The following DPYSL5 variants were observed in gnomAD, a reference collection of about 807,000 sequenced individuals.
DPYSL5 encodes the protein dihydropyrimidinase like 5.
A neutral mutation model predicts 58.4 loss-of-function variants in DPYSL5; 9 were observed. The observed-to-expected ratio is 0.15, with a 90% CI of 0.09 to 0.27. The LOEUF (loss-of-function observed/expected upper bound fraction) is 0.27, where lower values mean the gene tolerates loss of function less well. Among genes scored for constraint, DPYSL5 ranks in the 10% least tolerant of loss-of-function variants. DPYSL5 has a pLI of 1.00. For synonymous variants in DPYSL5, 293 were observed against 301.9 expected (o/e 0.97, Z 0.31); for missense variants, 499 against 770.6 (o/e 0.65, Z 4.17).
At chr2:26,869,224 C>T (rs1450902785) in intron 1 of DPYSL5, among the ~76,000 whole-genome samples, 1 of 152,240 alleles carries the variant, frequency 6.6e-6, no homozygotes, top group Non-Finnish European at 1.5e-5. Context: ...CTTGGCCTCC[C>T]AAAGTGATGT....
intron 1 of DPYSL5, among the ~76,000 whole-genome samples, chr2:26,892,201 A>T (rs1198191309): frequency 3.3e-5 from 5 of 152,174 alleles, no homozygotes; most frequent in Non-Finnish European, 5.9e-5. Flanking sequence ...ACCTCTGTTT[A>T]TTCCTTAAAG....
At position 26,924,883 on chromosome 2, in the gene DPYSL5, C is replaced by T; in HGVS notation, c.262-4C>T. On this transcript the variant is annotated splice_region_variant and splice_polypyrimidine_tract_variant and intron_variant, in intron 2 of 12. Transcript: ENST00000288699. The surrounding 1 kb of genome is among the most constrained non-coding windows in gnomAD (Gnocchi z 4.7). ...GACGAGACTGCCTTTTCCCGTCTTC[C>T]CAGGCAGCACTCGTCGGAGGCACCA... 1 of 1,613,230 alleles carries T rather than the reference C, an allele frequency of 6.2e-7. No homozygotes were observed. Among genetic ancestry groups the T allele is most frequent in the Non-Finnish European group, 8.5e-7 (1 of 1,179,550 alleles).
In DPYSL5 at chr2:26,934,723, C is replaced by G. The variant is rs753873507; in HGVS notation, c.936C>G (p.Ser312Arg). The change falls in exon 8 of 13, where the codon AGC becomes AGG. Residue 312 changes from serine (S) to arginine (R), a missense_variant. Physicochemically the swap from Ser to Arg is moderately radical, Grantham distance 110 (BLOSUM62 -1). Transcript: ENST00000288699. This position sits in a 1 kb window ranked among gnomAD's most constrained non-coding sequence, Gnocchi z 4.3. ...CCAACACCTCAACCTACCTCATGAG[C>G]CTGCTGGCCAAGTAAGGCGTTTCAG... ...LDTNTSTYLM[S>R]LLANDTLNIV... 1 of 1,614,114 alleles carries G rather than the reference C, an allele frequency of 6.2e-7. No homozygotes were observed. Among genetic ancestry groups the G allele is most frequent in the Non-Finnish European group, 8.5e-7 (1 of 1,180,008 alleles).
At chr2:26,851,163 A>G (rs1665740699) in intron 1 of DPYSL5, among the ~76,000 whole-genome samples, 1 of 152,152 alleles carries the variant, frequency 6.6e-6, no homozygotes, top group South Asian at 2.1e-4. Context: ...TTTTCATATT[A>G]TTACCCAAAG....
intron 5 of DPYSL5, 82 bp from the exon 6 acceptor site, chr2:26,931,558 T>A (rs891640660): frequency 6.4e-7 from 1 of 1,566,696 alleles, no homozygotes; most frequent in Non-Finnish European, 8.8e-7. Flanking sequence ...GTGCAGTTGC[T>A]CCATGAAGGG....
intron 2 of DPYSL5, among the ~76,000 whole-genome samples, chr2:26,900,826 G>A (rs1444739779): frequency 1.3e-5 from 2 of 152,120 alleles, no homozygotes; most frequent in Admixed American, 1.3e-4. Context: ...CTGTTTGGAG[G>A]AGTCCTTTAG....
At chr2:26,867,385 G>A (rs1396409242) in intron 1 of DPYSL5, among the ~76,000 whole-genome samples, 30 of 151,156 alleles carry the variant, frequency 2.0e-4, no homozygotes, top group Non-Finnish European at 2.9e-5. Context: ...CATGGATAAT[G>A]CTACAATTTA....
At chr2:26,928,129 T>G in intron 4 of DPYSL5, 126 bp from the exon 5 acceptor site, 2 of 992,002 alleles carry the variant, frequency 2.0e-6, no homozygotes, top group East Asian at 2.6e-5. Context: ...ACTGCAGAAG[T>G]GAGAAAAGAA....
chr2:26,935,890 C>CT (rs1177720865), intron 8 of DPYSL5, among the ~76,000 whole-genome samples: 3 of 152,170 alleles, frequency 2.0e-5, no homozygotes, highest in Non-Finnish European at 2.9e-5. Context: ...GCTTGCAGCA[C>CT]TGGCAATGCC....
At chr2:26,940,257 C>T (rs1202800826) in intron 9 of DPYSL5, 85 bp downstream of exon 9, 1 of 1,480,992 alleles carries the variant, frequency 6.8e-7, no homozygotes, top group Non-Finnish European at 9.1e-7. Context: ...AGAGTATTCA[C>T]TCCTCAGATC....
intron 1 of DPYSL5, among the ~76,000 whole-genome samples, chr2:26,864,029 G>T (rs72850597): frequency 0.012 from 1,884 of 152,186 alleles, 43 homozygotes; most frequent in African/African-American, 0.043. Context: ...GATCATTAGA[G>T]CCCAGGAGTT....
intron 1 of DPYSL5, among the ~76,000 whole-genome samples, chr2:26,879,460 G>GAA (rs748100269): frequency 0.014 from 1,007 of 74,376 alleles, 21 homozygotes; most frequent in African/African-American, 0.052. Context: ...ATCTCTATTT[G>GAA]AAAAAAAAAA....
chr2:26,855,727 C>T (rs1008702212), intron 1 of DPYSL5, among the ~76,000 whole-genome samples: 3 of 152,194 alleles, frequency 2.0e-5, no homozygotes, highest in Non-Finnish European at 2.9e-5. Flanking sequence ...CATGGGCTGA[C>T]TCGAAATTCT....
chr2:26,932,208 A>AAAGAAAAGAAAGAAAGAAAGAAAG (rs1178078504), intron 6 of DPYSL5, among the ~76,000 whole-genome samples: 3 of 70,172 alleles, frequency 4.3e-5, no homozygotes, highest in African/African-American at 1.7e-4. Context: ...AGAAAGAAAG[A>AAAGAAAAGAAAGAAAGAAAGAAAG]AAAGAAAGAA....
chr2:26,947,116 G>C lies in DPYSL5; in HGVS notation c.*121G>C. 1.4e-6 allele frequency: 1 copy of C among 735,728 alleles called. No homozygotes were observed. The highest frequency in any genetic ancestry group is 2.3e-6 in the Non-Finnish European group (1 of 435,564). 45.6% of individuals were successfully genotyped at this position (735,728 alleles called of 1,614,324 possible). On this transcript the variant is annotated 3_prime_UTR_variant, in exon 13 of 13. Transcript: ENST00000288699. The surrounding 1 kb of genome is among the most constrained non-coding windows in gnomAD (Gnocchi z 4.2). ...GGCACACCACCCGAGGGGGGCCCCG[G>C]GACCCACGGAGCCCTCCCTATGTCT... is the stretch of plus-strand genomic sequence containing the variant.
At chr2:26,895,779 T>C (rs1045939347) in intron 1 of DPYSL5, among the ~76,000 whole-genome samples, 5 of 137,950 alleles carry the variant, frequency 3.6e-5, no homozygotes, top group East Asian at 4.0e-4. Context: ...CTTTTTCTTT[T>C]TTTTTTTTTT....
intron 1 of DPYSL5, among the ~76,000 whole-genome samples, chr2:26,854,559 G>A (rs1665831572): frequency 6.6e-6 from 1 of 152,206 alleles, no homozygotes; most frequent in Non-Finnish European, 1.5e-5. Context: ...TATGAGTTGG[G>A]TGTGAGATTC....
chr2:26,928,557 G>A (rs770394824), intron 5 of DPYSL5, among the ~76,000 whole-genome samples: 3 of 150,586 alleles, frequency 2.0e-5, no homozygotes, highest in Non-Finnish European at 4.4e-5. Context: ...AATTAGCTGG[G>A]CATAGTGGTG....
intron 1 of DPYSL5, among the ~76,000 whole-genome samples, chr2:26,886,543 A>T (rs887575927): frequency 9.9e-5 from 15 of 152,260 alleles, no homozygotes; most frequent in African/African-American, 3.6e-4. Context: ...ATTATTTTAA[A>T]TCTACTCAAT....
Sources: gnomAD v4.1 joint callset for allele counts (sites outside exome capture counted in the v4.1 genomes callset) on GRCh38, gnomAD v4.1.1 for gene constraint, Gnocchi (gnomAD v3.1) non-coding constraint, MANE v1.5 for transcripts, NCBI Gene and HGNC (gene_info 2026-07-23, HGNC 2026-07-21) for gene names.